The following VIM variants were observed in gnomAD, a reference collection of about 807,000 sequenced individuals.
The protein encoded by VIM is epididymis secretory sperm binding protein.
A neutral mutation model predicts 50.3 loss-of-function variants in VIM; 18 were observed. That is an observed-to-expected ratio of 0.36 (90% CI 0.25 to 0.53). The LOEUF (loss-of-function observed/expected upper bound fraction) is 0.53. VIM is among the 20% of genes least tolerant of loss of function. The pLI is 0.91. For missense variants in VIM, 551 were observed against 614.7 expected (o/e 0.90, Z 1.10); for synonymous variants, 245 against 248.5 (o/e 0.99, Z 0.13).
At chr10:17,229,137 C>G (rs1036860450) in intron 1 of VIM, 139 bp from the exon 2 acceptor site, 1 of 157,444 alleles carries the variant, frequency 6.4e-6, no homozygotes, top group South Asian at 1.7e-4. Flanking sequence ...GGCTCGAGGG[C>G]GCCCCCACCC....
At position 17,235,279 on chromosome 10, in the gene VIM, G is replaced by A. The variant is rs780026360; in HGVS notation, c.1119G>A (p.Lys373=). 6.8e-6 allele frequency: 11 copies of A among 1,614,206 alleles called. No individual in the cohort carries two copies. Among genetic ancestry groups the A allele is most frequent in the Non-Finnish European group, 8.5e-6 (10 of 1,180,038 alleles). The part of the protein sequence containing the change: ...GRLQDEIQNM[K]EEMARHLREY... ...TGCAGGATGAGATTCAGAATATGAA[G>A]GAGGAAATGGCTCGTCACCTTCGTG... is the stretch of plus-strand genomic sequence containing the variant. Residue 373 remains lysine, a synonymous_variant, in exon 7 of 10, where the codon AAG becomes AAA. Coordinates refer to ENST00000544301, the MANE Select transcript of VIM (RefSeq NM_003380.5).
intron 3 of VIM, 33 bp from the exon 4 acceptor site, chr10:17,233,554 C>T (rs781628024): frequency 2.4e-5 from 39 of 1,599,280 alleles, no homozygotes; most frequent in Admixed American, 2.3e-4. Context: ...CTTTTACATC[C>T]TCCATGTCCT....
intron 5 of VIM, 31 bp from the exon 6 acceptor site, chr10:17,234,662 G>A (rs769122788): frequency 6.2e-7 from 1 of 1,612,696 alleles, no homozygotes; most frequent in Non-Finnish European, 8.5e-7. Flanking sequence ...TTGAATGTGA[G>A]CAATCTACAT....
rs1285046692 is a variant in VIM at position 17,233,885 on chromosome 10, T to C, written c.836T>C (p.Val279Ala). 2 of 1,614,130 alleles carry C rather than the reference T, an allele frequency of 1.2e-6. No individual in the cohort carries two copies. Among genetic ancestry groups the C allele is most frequent in the Non-Finnish European group, 1.7e-6 (2 of 1,180,010 alleles). Reference protein sequence around the residue: ...LRDVRQQYESVAAKNLQEAEE... With the variant: ...LRDVRQQYESAAAKNLQEAEE... ...GACGTACGTCAGCAATATGAAAGTG[T>C]GGCTGCCAAGAACCTGCAGGAGGCA... is the stretch of plus-strand genomic sequence containing the variant. The change falls in exon 5 of 10, where the codon GTG becomes GCG. Residue 279 changes from valine to alanine, a missense_variant. Transcript: ENST00000544301.
chr10:17,233,105 A>C (rs974602349), intron 3 of VIM: 3 of 214,310 alleles, frequency 1.4e-5, no homozygotes, highest in African/African-American at 2.4e-5. Flanking sequence ...GTGCCACCAC[A>C]CCCAGCTAAT....
intron 1 of VIM, 39 bp from the exon 2 acceptor site, chr10:17,229,237 T>C (rs1448976619): frequency 1.0e-5 from 5 of 499,018 alleles, no homozygotes; most frequent in Admixed American, 6.6e-5. Context: ...CCCTCTTTCC[T>C]AACGGGGTTA....
chr10:17,233,749 G>A (rs373387193), intron 4 of VIM, 21 bp from the exon 5 acceptor site: 15 of 1,614,186 alleles, frequency 9.3e-6, no homozygotes, highest in South Asian at 3.3e-5. Flanking sequence ...AGAGCTGACC[G>A]TCTGTCTGTT....
intron 7 of VIM, 108 bp downstream of exon 7, chr10:17,235,497 G>A (rs1846872314): frequency 7.2e-6 from 9 of 1,244,240 alleles, no homozygotes; most frequent in Non-Finnish European, 9.2e-6. Flanking sequence ...GTTTCTTTGA[G>A]GTAACTGCTT....
rs9235 is a variant in VIM at position 17,237,400 on chromosome 10, A to G, written c.*129A>G. 1 of 886,694 alleles carries G rather than the reference A, an allele frequency of 1.1e-6. No homozygotes were observed. Among genetic ancestry groups the G allele is most frequent in the South Asian group, 1.6e-5 (1 of 64,216 alleles). 54.9% of individuals were successfully genotyped at this position (886,694 alleles called of 1,614,324 possible). A position where few individuals can be genotyped will look rare whatever the true frequency, so the allele number is the denominator to read the frequency against. Reference sequence around the variant, plus strand: ...AGCGCAAGATAGATTTGGAATAGGAATAAGCTCTAGTTCTTAACAACCGAC... The same window carrying G: ...AGCGCAAGATAGATTTGGAATAGGAGTAAGCTCTAGTTCTTAACAACCGAC... On this transcript the variant is annotated 3_prime_UTR_variant, in exon 10 of 10. Transcript: ENST00000544301.
chr10:17,234,833 T>A lies in VIM; in HGVS notation c.1008+15T>A. On this transcript the variant is annotated intron_variant, in intron 6 of 9. Transcript: ENST00000544301. ...TTAAAGGAACCGTGAGTACCAACCC[T>A]GCAGTAAAAGAGGGAAAATAATGAC... 1.2e-6 allele frequency: 2 copies of A among 1,614,026 alleles called. No homozygotes were observed. The highest frequency in any genetic ancestry group is 4.5e-5 in the East Asian group (2 of 44,876).
intron 3 of VIM, among the ~76,000 whole-genome samples, chr10:17,231,644 T>C (rs939300398): frequency 1.7e-4 from 26 of 152,344 alleles, no homozygotes; most frequent in African/African-American, 4.8e-4. Context: ...GCTACAAGCA[T>C]ACCTCACATT....
At chr10:17,230,129 G>C in intron 2 of VIM, 144 bp downstream of exon 2, 1 of 1,078,988 alleles carries the variant, frequency 9.3e-7, no homozygotes, top group Non-Finnish European at 1.3e-6. Context: ...GGAGAGCGGG[G>C]CTGTGGCTGT....
chr10:17,237,079 C>T (rs1022073321), intron 9 of VIM, 151 bp from the exon 10 acceptor site: 23 of 701,910 alleles, frequency 3.3e-5, no homozygotes, highest in Non-Finnish European at 5.2e-5. Flanking sequence ...TCTGCCCCTT[C>T]TAGTTTTCAC....
intron 3 of VIM, among the ~76,000 whole-genome samples, chr10:17,231,359 G>A (rs1340580303): frequency 6.6e-6 from 1 of 152,176 alleles, no homozygotes; most frequent in Non-Finnish European, 1.5e-5. Flanking sequence ...TAATAAGGGT[G>A]AAAAGGAGCC....
At chr10:17,229,098 A>C (rs1228710976) in intron 1 of VIM, 178 bp from the exon 2 acceptor site, 3 of 489,102 alleles carry the variant, frequency 6.1e-6, no homozygotes, top group Non-Finnish European at 1.1e-5. Context: ...TAACGGGACC[A>C]TGCCCAGTCC....
At chr10:17,228,668 T>C (rs41289325) in intron 1 of VIM, 144 bp downstream of exon 1, 21,990 of 151,736 alleles carry the variant, frequency 0.14, 4,607 homozygotes, top group African/African-American at 0.47. Context: ...CCAACATCTC[T>C]CCGCCAAGGC....
chr10:17,232,673 AATTGG>A (rs767139719), intron 3 of VIM, among the ~76,000 whole-genome samples: 14 of 152,296 alleles, frequency 9.2e-5, no homozygotes, highest in South Asian at 2.1e-4. Context: ...GCATATCCTG[AATTGG>A]GTTATTGAAT....
Position 17,233,814 on chromosome 10 carries a change from A to G in VIM, c.765A>G (p.Gln255=), listed in dbSNP as rs1403926080. 4 of 1,614,056 alleles carry G rather than the reference A, an allele frequency of 2.5e-6. No individual in the cohort carries two copies. The highest frequency in any genetic ancestry group is 3.4e-6 in the Non-Finnish European group (4 of 1,180,034). Residue 255 remains glutamine (Q), a synonymous_variant, in exon 5 of 10, where the codon CAA becomes CAG. Transcript: ENST00000544301. ...LQAQIQEQHV[Q]IDVDVSKPDL... ...CTCAGATTCAGGAACAGCATGTCCA[A>G]ATCGATGTGGATGTTTCCAAGCCTG...
intron 3 of VIM, among the ~76,000 whole-genome samples, chr10:17,231,866 T>G (rs994579387): frequency 2.0e-5 from 3 of 152,114 alleles, no homozygotes; most frequent in African/African-American, 7.2e-5. Flanking sequence ...TTATAGTTTA[T>G]AGTTGTATTC....
Sources: gnomAD v4.1 joint callset for allele counts (sites outside exome capture counted in the v4.1 genomes callset) on GRCh38, gnomAD v4.1.1 for gene constraint, MANE v1.5 for transcripts, NCBI Gene and HGNC (gene_info 2026-07-23, HGNC 2026-07-21) for gene names.